FUCA2: variants seen among roughly 807,000 people sequenced by gnomAD.
FUCA2 encodes plasma alpha-L-fucosidase.
FUCA2 carries 41 observed loss-of-function variants against 52.6 expected under a neutral mutation model. That is an observed-to-expected ratio of 0.78 (90% confidence interval 0.61 to 1.01). The LOEUF is 1.01. FUCA2 is among the 50% of genes least tolerant of loss of function. FUCA2 has a pLI of 0.00. For missense variants in FUCA2, 507 were observed against 569.5 expected (o/e 0.89, Z 1.12); for synonymous variants, 211 against 217.3 (o/e 0.97, Z 0.26).
rs536313689 is a variant in FUCA2, at chr6:143,509,947, G to A, written c.224+1464C>T. Among the ~76,000 whole-genome samples, 82 of 152,300 alleles carry A rather than the reference G, an allele frequency of 5.4e-4. No homozygotes were observed. The highest frequency in any genetic ancestry group is 1.3e-3 in the Admixed American group (20 of 15,296). On this transcript the variant is annotated intron_variant, in intron 1 of 6. Transcript: ENST00000002165. This position sits in a 1 kb window ranked among gnomAD's most constrained non-coding sequence, Gnocchi z 5.4. ...TAAAGAAACTCGAAAAATAGCAGGTGCATGAAGAGCACTTTGCCCTTTGTG... is the reference window on the plus strand; with the variant it reads ...TAAAGAAACTCGAAAAATAGCAGGTACATGAAGAGCACTTTGCCCTTTGTG...
chr6:143,498,495 G>A (rs570605058), intron 5 of FUCA2, among the ~76,000 whole-genome samples: 1 of 152,246 alleles, frequency 6.6e-6, no homozygotes, highest in East Asian at 1.9e-4. Flanking sequence ...AGCGCCATAA[G>A]AGCACCACGG....
rs541253562 is a variant in FUCA2 at position 143,502,235 on chromosome 6, C to T, written c.964-113G>A. The T allele has an allele frequency of 1.5e-6, 2 of 1,338,698 alleles. No individual in the cohort carries two copies. The allele number at this position is 1,338,698 out of a possible 1,614,324, so 82.9% of individuals were successfully genotyped here. On this transcript the variant is annotated intron_variant, in intron 4 of 6. Coordinates refer to ENST00000002165, the MANE Select transcript of FUCA2 (RefSeq NM_032020.5). The surrounding 1 kb of genome is among the most constrained non-coding windows in gnomAD (Gnocchi z 4.1). Reference sequence around the variant, plus strand: ...TATATATAGTCACTGCCTAGAAGAACAAACACAGGATAGAACAATGTCCTA... The same window carrying T: ...TATATATAGTCACTGCCTAGAAGAATAAACACAGGATAGAACAATGTCCTA...
Position 143,502,060 on chromosome 6 carries a change from A to G in FUCA2, c.1026T>C (p.Asp342=), listed in dbSNP as rs1239112589. The part of the protein sequence containing the change: ...NLLMNIGPTL[D]GTISVVFEER... ...CCTCAAAAACTACAGAAATGGTGCC[A>G]TCTAGTGTGGGCCCAATATTCATCA... Residue 342 remains aspartate (D), a synonymous_variant, in exon 5 of 7, where the codon GAT becomes GAC. Coordinates refer to ENST00000002165, the MANE Select transcript of FUCA2 (RefSeq NM_032020.5). This position sits in a 1 kb window ranked among gnomAD's most constrained non-coding sequence, Gnocchi z 4.1. The G allele has an allele frequency of 1.9e-6, 3 of 1,613,630 alleles. No homozygotes were observed. The highest frequency in any genetic ancestry group is 1.7e-6 in the Non-Finnish European group (2 of 1,179,894).
At position 143,504,097 on chromosome 6, in the gene FUCA2, G is replaced by C; in HGVS notation, c.568C>G (p.Leu190Val). ...GAACTGGATTCATCCTCAAGGAAGA[G>C]CGGATGAAACCATTCAAAAAGGGAA... ...YYSLFEWFHP[L>V]FLEDESSSFH... Residue 190 changes from leucine (L) to valine (V), a missense_variant, in exon 3 of 7, where the codon CTC becomes GTC. Physicochemically the swap from Leu to Val is conservative, Grantham distance 32. Coordinates refer to ENST00000002165, the MANE Select transcript of FUCA2 (RefSeq NM_032020.5). The surrounding 1 kb of genome is among the most constrained non-coding windows in gnomAD (Gnocchi z 4.4). 1 of 1,614,144 alleles carries C rather than the reference G, an allele frequency of 6.2e-7. No homozygotes were observed. The highest frequency in any genetic ancestry group is 8.5e-7 in the Non-Finnish European group (1 of 1,180,018).
rs779068640 is a variant in FUCA2 at position 143,495,411 on chromosome 6, C to T, written c.*296G>A. 4 of 267,498 alleles carry T rather than the reference C, an allele frequency of 1.5e-5. No individual in the cohort carries two copies. Among genetic ancestry groups the T allele is most frequent in the Admixed American group, 5.0e-5 (1 of 19,962 alleles). 16.6% of individuals were successfully genotyped at this position (267,498 alleles called of 1,614,324 possible). On this transcript the variant is annotated 3_prime_UTR_variant, in exon 7 of 7. Coordinates refer to ENST00000002165, the MANE Select transcript of FUCA2 (RefSeq NM_032020.5). The surrounding 1 kb of genome is among the most constrained non-coding windows in gnomAD (Gnocchi z 5.2). ...TGGCTTCAACATAAAATTTTCAGTT[C>T]GGTCCATAATACCACCAATTCCTTG...
In FUCA2 at chr6:143,504,098, C is replaced by T. The variant is rs568712979; in HGVS notation, c.567G>A (p.Pro189=). ...LYYSLFEWFH[P]LFLEDESSSF... ...AACTGGATTCATCCTCAAGGAAGAGCGGATGAAACCATTCAAAAAGGGAAT... is the reference window on the plus strand; with the variant it reads ...AACTGGATTCATCCTCAAGGAAGAGTGGATGAAACCATTCAAAAAGGGAAT... The change falls in exon 3 of 7, where the codon CCG becomes CCA. Residue 189 remains proline, a synonymous_variant. Transcript: ENST00000002165. The surrounding 1 kb of genome is among the most constrained non-coding windows in gnomAD (Gnocchi z 4.4). 77 of 1,614,120 alleles carry T rather than the reference C, an allele frequency of 4.8e-5. 1 individual carries two copies. The highest frequency in any genetic ancestry group is 4.6e-4 in the South Asian group (42 of 91,072).
At chr6:143,505,216 A>G (rs1490578871) in intron 2 of FUCA2, 1 of 152,090 alleles carries the variant, frequency 6.6e-6, no homozygotes, top group African/African-American at 2.4e-5. Flanking sequence ...ATCTAAAAGA[A>G]TCTTTGAGAA....
chr6:143,508,997 G>A (rs958638415), intron 1 of FUCA2, among the ~76,000 whole-genome samples: 11 of 152,066 alleles, frequency 7.2e-5, no homozygotes, highest in Admixed American at 1.3e-4. Flanking sequence ...TCAAGCGATC[G>A]TCCCACCTCA....
chr6:143,497,237 C>T lies in FUCA2; in HGVS notation c.1263+152G>A. 1 of 609,464 alleles carries T rather than the reference C, an allele frequency of 1.6e-6. No homozygotes were observed. Among genetic ancestry groups the T allele is most frequent in the East Asian group, 2.9e-5 (1 of 34,920 alleles). The allele number at this position is 609,464 out of a possible 1,614,324, so 37.8% of individuals were successfully genotyped here. ...TTAGCCTCCCAAAGTGCTGGAATTACAGTGTGAGCCACAATGCTTGGCTGG... is the reference window on the plus strand; with the variant it reads ...TTAGCCTCCCAAAGTGCTGGAATTATAGTGTGAGCCACAATGCTTGGCTGG... On this transcript the variant is annotated intron_variant, in intron 6 of 6. Transcript: ENST00000002165. This position sits in a 1 kb window ranked among gnomAD's most constrained non-coding sequence, Gnocchi z 5.3.
At position 143,504,197 on chromosome 6, in the gene FUCA2, C is replaced by G. The variant is rs1780568940; in HGVS notation, c.468G>C (p.Gly156=). Residue 156 remains glycine, a synonymous_variant, in exon 3 of 7, where the codon GGG becomes GGC. Coordinates refer to ENST00000002165, the MANE Select transcript of FUCA2 (RefSeq NM_032020.5). The surrounding 1 kb of genome is among the most constrained non-coding windows in gnomAD (Gnocchi z 4.4). The stretch of plus-strand genomic sequence containing the variant: ...GTTCCTTGACAATGTCCCTCTTGGG[C>G]CCCTCATCTATGGCATTCCAGTTCC... The part of the protein sequence containing the change: ...YSWNWNAIDE[G]PKRDIVKELE... 6.2e-7 allele frequency: 1 copy of G among 1,614,176 alleles called. No homozygotes were observed. Among genetic ancestry groups the G allele is most frequent in the East Asian group, 2.2e-5 (1 of 44,892 alleles).
At position 143,507,039 on chromosome 6, in the gene FUCA2, G is replaced by A. The variant is rs546312810; in HGVS notation, c.412+198C>T. 3.5e-4 allele frequency: 177 copies of A among 509,106 alleles called. No individual in the cohort carries two copies. Among genetic ancestry groups the A allele is most frequent in the Middle Eastern group, 1.9e-3 (4 of 2,064 alleles). The allele number at this position is 509,106 out of a possible 1,614,324, so 31.5% of individuals were successfully genotyped here. On this transcript the variant is annotated intron_variant, in intron 2 of 6. Transcript: ENST00000002165. The surrounding 1 kb of genome is among the most constrained non-coding windows in gnomAD (Gnocchi z 4.5). ...GACCATCTTTCCTCTGTTACGTGGC[G>A]GGTATGATCCTTTCTGTATTCCTAA...
Position 143,503,939 on chromosome 6 carries a change from G to A in FUCA2, c.726C>T (p.Gly242=). 6.2e-7 allele frequency: 1 copy of A among 1,613,856 alleles called. No homozygotes were observed. ...GAPDQYWNST[G]FLAWLYNESP... ...TTTCATTATATAACCAGGCCAAGAA[G>A]CCTGTGCTGTTCCAGTATTGATCCG... The change falls in exon 3 of 7, where the codon GGC becomes GGT. Residue 242 remains glycine, a synonymous_variant. Transcript: ENST00000002165. The surrounding 1 kb of genome is among the most constrained non-coding windows in gnomAD (Gnocchi z 4.8).
chr6:143,501,169 T>A lies in FUCA2; in HGVS notation c.1154+763A>T, dbSNP rs562969432. Among the ~76,000 whole-genome samples the A allele has an allele frequency of 6.6e-6, 1 of 152,296 alleles. No individual in the cohort carries two copies. Among genetic ancestry groups the A allele is most frequent in the Admixed American group, 6.5e-5 (1 of 15,300 alleles). On this transcript the variant is annotated intron_variant, in intron 5 of 6. Coordinates refer to ENST00000002165, the MANE Select transcript of FUCA2 (RefSeq NM_032020.5). This position sits in a 1 kb window ranked among gnomAD's most constrained non-coding sequence, Gnocchi z 6.1. ...AGTTCTCATTATGGCTTCTCCCAGA[T>A]CAACATTTTAAAATTCCACAATTAT...
At position 143,503,390 on chromosome 6, in the gene FUCA2, A is replaced by C. The variant is rs546599627; in HGVS notation, c.752+523T>G. On this transcript the variant is annotated intron_variant, in intron 3 of 6. Transcript: ENST00000002165. The surrounding 1 kb of genome is among the most constrained non-coding windows in gnomAD (Gnocchi z 4.8). The stretch of plus-strand genomic sequence containing the variant: ...AGTTTAATCAGAACTCCCTGTTCTA[A>C]TAGGGCAGCCTTGAACATACCAGGA... 6.5e-6 allele frequency: 1 copy of C among 153,874 alleles called. No homozygotes were observed. Among genetic ancestry groups the C allele is most frequent in the South Asian group, 2.0e-4 (1 of 4,904 alleles). The allele number at this position is 153,874 out of a possible 1,614,324, so 9.5% of individuals were successfully genotyped here. A position where few individuals can be genotyped will look rare whatever the true frequency, so the allele number is the denominator to read the frequency against.
Position 143,495,446 on chromosome 6 carries a change from T to C in FUCA2, c.*261A>G, listed in dbSNP as rs1780444059. 8.3e-6 allele frequency: 3 copies of C among 360,102 alleles called. No homozygotes were observed. The highest frequency in any genetic ancestry group is 1.5e-5 in the Non-Finnish European group (3 of 200,086). The allele number at this position is 360,102 out of a possible 1,614,324, so 22.3% of individuals were successfully genotyped here. On this transcript the variant is annotated 3_prime_UTR_variant, in exon 7 of 7. Transcript: ENST00000002165. This position sits in a 1 kb window ranked among gnomAD's most constrained non-coding sequence, Gnocchi z 5.2. ...TACCACCAATTCCTTGCTACTATAA[T>C]GTGAAAAAATTCTCACCTCTGAGTC...
At position 143,495,705 on chromosome 6, in the gene FUCA2, C is replaced by T. The variant is rs779691200; in HGVS notation, c.*2G>A. 6.2e-7 allele frequency: 1 copy of T among 1,613,378 alleles called. No homozygotes were observed. Among genetic ancestry groups the T allele is most frequent in the East Asian group, 2.2e-5 (1 of 44,868 alleles). On this transcript the variant is annotated 3_prime_UTR_variant, in exon 7 of 7. Coordinates refer to ENST00000002165, the MANE Select transcript of FUCA2 (RefSeq NM_032020.5). This position sits in a 1 kb window ranked among gnomAD's most constrained non-coding sequence, Gnocchi z 5.2. Reference sequence around the variant, plus strand: ...TTGCAGCATCAGCCACTCTGCTGCACTTTAGATCACATTAGTCAGGGCTAG... The same window carrying T: ...TTGCAGCATCAGCCACTCTGCTGCATTTTAGATCACATTAGTCAGGGCTAG...
In FUCA2 at chr6:143,502,342, C is replaced by T; in HGVS notation, c.963+13G>A. The T allele has an allele frequency of 1.9e-6, 3 of 1,610,338 alleles. No individual in the cohort carries two copies. The highest frequency in any genetic ancestry group is 2.2e-5 in the East Asian group (1 of 44,874). On this transcript the variant is annotated intron_variant, in intron 4 of 6. Coordinates refer to ENST00000002165, the MANE Select transcript of FUCA2 (RefSeq NM_032020.5). The surrounding 1 kb of genome is among the most constrained non-coding windows in gnomAD (Gnocchi z 4.1). ...GAATATTATGTTAATAGCCACCAGA[C>T]ATTTCACTGTACCTTCACCAATTCT...
At position 143,511,277 on chromosome 6, in the gene FUCA2, G is replaced by T; in HGVS notation, c.224+134C>A. 1 of 714,954 alleles carries T rather than the reference G, an allele frequency of 1.4e-6. No individual in the cohort carries two copies. Among genetic ancestry groups the T allele is most frequent in the Non-Finnish European group, 2.2e-6 (1 of 449,332 alleles). 44.3% of individuals were successfully genotyped at this position (714,954 alleles called of 1,614,324 possible). A position where few individuals can be genotyped will look rare whatever the true frequency, so the allele number is the denominator to read the frequency against. Reference sequence around the variant, plus strand: ...TCGACACCCGGAAGTGCGAAACGCGGGTAACGCAGTGGGAGGTGAAACCGA... The same window carrying T: ...TCGACACCCGGAAGTGCGAAACGCGTGTAACGCAGTGGGAGGTGAAACCGA... On this transcript the variant is annotated intron_variant, in intron 1 of 6. Transcript: ENST00000002165. The surrounding 1 kb of genome is among the most constrained non-coding windows in gnomAD (Gnocchi z 6.3).
Position 143,495,500 on chromosome 6 carries a change from AC to A in FUCA2, c.*206del, listed in dbSNP as rs1029474839. 2 of 470,394 alleles carry A rather than the reference AC, an allele frequency of 4.3e-6. No homozygotes were observed. Among genetic ancestry groups the A allele is most frequent in the Admixed American group, 7.1e-5 (2 of 28,274 alleles). 29.1% of individuals were successfully genotyped at this position (470,394 alleles called of 1,614,324 possible). Reference sequence around the variant, plus strand: ...CATGGAAACAAATCAATGTGAAGAGACTTTAATGGCAAAGTGCACTGGAGAG... The same window carrying A: ...CATGGAAACAAATCAATGTGAAGAGATTTAATGGCAAAGTGCACTGGAGAG... On this transcript the variant is annotated 3_prime_UTR_variant, in exon 7 of 7. Transcript: ENST00000002165. This position sits in a 1 kb window ranked among gnomAD's most constrained non-coding sequence, Gnocchi z 5.2.
Sources: allele counts gnomAD v4.1 joint callset (sites outside exome capture counted in the v4.1 genomes callset), GRCh38; gene constraint gnomAD v4.1.1; non-coding constraint Gnocchi (gnomAD v3.1); transcripts MANE v1.5; gene names NCBI Gene and HGNC (gene_info 2026-07-23, HGNC 2026-07-21).